AKR1C8: variants seen among roughly 807,000 people sequenced by gnomAD.
The protein encoded by AKR1C8 is aldo-keto reductase family 1 member C-like protein 1.
At chr10:5,118,337 T>G in the AKR1C8 span, among the ~76,000 whole-genome samples, 1 of 91,732 alleles carries the variant, frequency 1.1e-5, no homozygotes, top group African/African-American at 4.2e-5. Context: ...ACTTTATGTC[T>G]TGTACAACCT....
At chr10:5,166,566 G>T in the AKR1C8 span, among the ~76,000 whole-genome samples, 1 of 152,090 alleles carries the variant, frequency 6.6e-6, no homozygotes, top group Non-Finnish European at 1.5e-5. Flanking sequence ...AAATGATGCT[G>T]GGAAAAGTGG....
the AKR1C8 span, among the ~76,000 whole-genome samples, chr10:5,181,680 T>C: frequency 2.0e-5 from 3 of 152,184 alleles, no homozygotes; most frequent in Non-Finnish European, 4.4e-5. Flanking sequence ...CCATATAAGA[T>C]GTCTAAGATT....
the AKR1C8 span, among the ~76,000 whole-genome samples, chr10:5,182,994 G>A: frequency 1.3e-5 from 2 of 151,778 alleles, no homozygotes; most frequent in Admixed American, 6.6e-5. Context: ...AAACAACTCA[G>A]TACTATCCTA....
the AKR1C8 span, among the ~76,000 whole-genome samples, chr10:5,118,941 A>T: frequency 8.9e-4 from 3 of 3,372 alleles, no homozygotes; most frequent in African/African-American, 9.4e-3. Flanking sequence ...AATTTCTTTA[A>T]AAAAAAAAAC....
the AKR1C8 span, among the ~76,000 whole-genome samples, chr10:5,176,180 T>C: frequency 6.7e-6 from 1 of 149,912 alleles, no homozygotes; most frequent in African/African-American, 2.4e-5. Flanking sequence ...GGATCCAGTT[T>C]CAGCTTTCTA....
the AKR1C8 span, among the ~76,000 whole-genome samples, chr10:5,117,603 GAATT>G: frequency 1.5e-3 from 226 of 152,218 alleles, 1 homozygote; most frequent in African/African-American, 5.1e-3. Flanking sequence ...CTGAAGCTGA[GAATT>G]TATAAAGAAG....
chr10:5,174,806 G>T, the AKR1C8 span, among the ~76,000 whole-genome samples: 209 of 151,988 alleles, frequency 1.4e-3, 1 homozygote, highest in African/African-American at 2.6e-3. Flanking sequence ...AGGAATAAAA[G>T]ACTGTCTTAA....
At chr10:5,141,150 C>G in the AKR1C8 span, among the ~76,000 whole-genome samples, 1 of 152,150 alleles carries the variant, frequency 6.6e-6, no homozygotes, top group African/African-American at 2.4e-5. Flanking sequence ...TTTACAGCAT[C>G]TTCACCATCT....
chr10:5,162,890 C>T, the AKR1C8 span: 1 of 534,626 alleles, frequency 1.9e-6, no homozygotes. Flanking sequence ...CTTGACGGTA[C>T]CATCAGCGAT....
the AKR1C8 span, chr10:5,123,911 T>G: frequency 8.7e-6 from 11 of 1,266,300 alleles, no homozygotes; most frequent in East Asian, 5.1e-5. Flanking sequence ...AGGAGGTGAA[T>G]AAATATGTGT....
At chr10:5,129,428 A>C in the AKR1C8 span, among the ~76,000 whole-genome samples, 5 of 152,028 alleles carry the variant, frequency 3.3e-5, no homozygotes, top group Non-Finnish European at 7.4e-5. Flanking sequence ...ATATCAGAAC[A>C]GAACTAAATG....
the AKR1C8 span, chr10:5,123,939 G>A: frequency 1.9e-6 from 2 of 1,067,824 alleles, no homozygotes; most frequent in Non-Finnish European, 2.6e-6. Context: ...AATTTGAACT[G>A]ACAATATTAC....
chr10:5,120,606 A>C, the AKR1C8 span, among the ~76,000 whole-genome samples: 5 of 152,236 alleles, frequency 3.3e-5, no homozygotes, highest in Admixed American at 3.3e-4. Context: ...AGAGATGAGT[A>C]AGACAAGTCT....
the AKR1C8 span, among the ~76,000 whole-genome samples, chr10:5,175,756 T>C: frequency 6.6e-6 from 1 of 152,356 alleles, no homozygotes; most frequent in Non-Finnish European, 1.5e-5. Context: ...ATGTGTTTTT[T>C]TGGCTGCATA....
At chr10:5,156,850 T>C in the AKR1C8 span, among the ~76,000 whole-genome samples, 1 of 152,236 alleles carries the variant, frequency 6.6e-6, no homozygotes, top group East Asian at 1.9e-4. Flanking sequence ...TTGTAAATAT[T>C]AAACTCATAA....
chr10:5,126,587 G>T, the AKR1C8 span, among the ~76,000 whole-genome samples: 1 of 151,896 alleles, frequency 6.6e-6, no homozygotes, highest in Non-Finnish European at 1.5e-5. Flanking sequence ...CACCTCTACT[G>T]GCCTGGGGTG....
At chr10:5,118,121 C>T in the AKR1C8 span, among the ~76,000 whole-genome samples, 1 of 152,182 alleles carries the variant, frequency 6.6e-6, no homozygotes, top group Non-Finnish European at 1.5e-5. Context: ...AGGCAACTTC[C>T]TGCCAGTTAT....
At chr10:5,166,076 C>A in the AKR1C8 span, among the ~76,000 whole-genome samples, 1 of 152,030 alleles carries the variant, frequency 6.6e-6, no homozygotes, top group Admixed American at 6.6e-5. Context: ...AAGAAAGAGA[C>A]TAAGGGACAT....
chr10:5,172,405 C>A, the AKR1C8 span, among the ~76,000 whole-genome samples: 1 of 151,946 alleles, frequency 6.6e-6, no homozygotes, highest in Non-Finnish European at 1.5e-5. Context: ...GGTAACAGTT[C>A]TTTCCCCAAA....
Sources: gnomAD v4.1 joint callset for allele counts (sites outside exome capture counted in the v4.1 genomes callset) on GRCh38, gnomAD v4.1.1 for gene constraint, MANE v1.5 for transcripts, NCBI Gene and HGNC (gene_info 2026-07-23, HGNC 2026-07-21) for gene names.